TMEM168: variants seen among roughly 807,000 people sequenced by gnomAD.
TMEM168 encodes the protein transmembrane protein 168.
In TMEM168, 40 loss-of-function variants were observed where a neutral mutation model predicts 53.2. The observed-to-expected ratio is 0.75, with a 90% CI of 0.58 to 0.98. The LOEUF is 0.98. Among genes scored for constraint, TMEM168 ranks in the 50% least tolerant of loss-of-function variants. TMEM168 has a pLI of 0.00. For synonymous variants in TMEM168, 282 were observed against 293.0 expected, an observed-to-expected ratio of 0.96 and a Z score of 0.38; for missense variants, 771 against 828.8, an observed-to-expected ratio of 0.93 and a Z score of 0.86.
In TMEM168 at chr7:112,772,870, TC is replaced by T; in HGVS notation, c.1456del (p.Glu486AsnfsTer29). On this transcript the variant is annotated frameshift_variant, in exon 4 of 5. Transcript: ENST00000312814. LOFTEE classifies it high-confidence loss of function. ...TCTGGGTCCATCCACTGTCCGAAGTTCGAGGAAAGCTTTTAGTTTGGAATGC... is the reference window on the plus strand; with the variant it reads ...TCTGGGTCCATCCACTGTCCGAAGTTGAGGAAAGCTTTTAGTTTGGAATGC... ...TLHSKLKAFLELRTVDGPRHD... is the reference protein window; with the variant it reads ...TLHSKLKAFLXLRTVDGPRHD... The T allele has an allele frequency of 6.2e-7, 1 of 1,614,120 alleles. No homozygotes were observed. Among genetic ancestry groups the T allele is most frequent in the Non-Finnish European group, 8.5e-7 (1 of 1,179,974 alleles).
At chr7:112,783,277 A>G (rs1793278314) in intron 2 of TMEM168, among the ~76,000 whole-genome samples, 1 of 152,226 alleles carries the variant, frequency 6.6e-6, no homozygotes, top group Non-Finnish European at 1.5e-5. Flanking sequence ...TGAGGAGTCC[A>G]GGGAATAGAC....
chr7:112,775,054 G>T, intron 3 of TMEM168, 122 bp downstream of exon 3: 1 of 777,688 alleles, frequency 1.3e-6, no homozygotes. Flanking sequence ...TAAAAATTTG[G>T]AAGAAATGCA....
In TMEM168 at chr7:112,783,739, TA is replaced by T. The variant is rs774976930; in HGVS notation, c.1086del (p.Phe362LeufsTer22). 1.9e-6 allele frequency: 3 copies of T among 1,554,166 alleles called. No homozygotes were observed. ...CCCAAAATCGCTGTTGCAAGAAGAC[TA>T]AAGAACACCAACTGCTCTGAAATCA... ...FCLISEQLVF[F>X]SLLATAILGA... On this transcript the variant is annotated frameshift_variant, in exon 2 of 5. Coordinates refer to ENST00000312814, the MANE Select transcript of TMEM168 (RefSeq NM_022484.6). LOFTEE classifies it high-confidence loss of function.
chr7:112,768,509 A>AGTTT (rs1792846056), intron 4 of TMEM168, among the ~76,000 whole-genome samples: 1 of 152,236 alleles, frequency 6.6e-6, no homozygotes, highest in South Asian at 2.1e-4. Flanking sequence ...CATTTAAATC[A>AGTTT]GTTTTATAGC....
intron 2 of TMEM168, among the ~76,000 whole-genome samples, chr7:112,776,461 TGC>T (rs1793086711): frequency 6.6e-6 from 1 of 152,074 alleles, no homozygotes; most frequent in Non-Finnish European, 1.5e-5. Context: ...TATGCCTAGG[TGC>T]ATGAACACAT....
rs1792693105 is a variant in TMEM168 at position 112,762,708 on chromosome 7, CG to C, written c.*4488del. 6.6e-6 allele frequency: 1 copy of C among 151,986 alleles called. No individual in the cohort carries two copies. Among genetic ancestry groups the C allele is most frequent in the Non-Finnish European group, 1.5e-5 (1 of 67,914 alleles). The allele number at this position is 151,986 out of a possible 1,614,324, so 9.4% of individuals were successfully genotyped here. ...GAATATTTCAAAGCAAAAAACCTTA[CG>C]GGTAGCCCACAGTTTTCAATTTTCA... is the stretch of plus-strand genomic sequence containing the variant. On this transcript the variant is annotated 3_prime_UTR_variant, in exon 5 of 5. Transcript: ENST00000312814.
intron 1 of TMEM168, among the ~76,000 whole-genome samples, chr7:112,789,043 A>ACCAGTTTTCC (rs1793471098): frequency 2.0e-5 from 3 of 152,190 alleles, no homozygotes; most frequent in African/African-American, 4.8e-5. Flanking sequence ...CTCCTGCCTT[A>ACCAGTTTTCC]TCTGTTACCA....
At chr7:112,774,008 TAA>T (rs1254968355) in intron 3 of TMEM168, among the ~76,000 whole-genome samples, 10 of 152,202 alleles carry the variant, frequency 6.6e-5, no homozygotes, top group African/African-American at 2.4e-4. Context: ...AACTTTGTAT[TAA>T]GTCTTTAACG....
chr7:112,762,918 T>C lies in TMEM168; in HGVS notation c.*4279A>G, dbSNP rs1792696267. Reference sequence around the variant, plus strand: ...GGAGATACTTATAGTTTCCCTAGCTTGTCCTTAACCTGCTTATGCTTATAG... The same window carrying C: ...GGAGATACTTATAGTTTCCCTAGCTCGTCCTTAACCTGCTTATGCTTATAG... On this transcript the variant is annotated 3_prime_UTR_variant, in exon 5 of 5. Transcript: ENST00000312814. 1 of 152,112 alleles carries C rather than the reference T, an allele frequency of 6.6e-6. No individual in the cohort carries two copies. Among genetic ancestry groups the C allele is most frequent in the Non-Finnish European group, 1.5e-5 (1 of 67,924 alleles). The allele number at this position is 152,112 out of a possible 1,614,324, so 9.4% of individuals were successfully genotyped here. A position where few individuals can be genotyped will look rare whatever the true frequency, so the allele number is the denominator to read the frequency against.
Position 112,785,845 on chromosome 7 carries a change from T to A in TMEM168, c.-128-892A>T, listed in dbSNP as rs76649777. 7.1e-3 allele frequency among the ~76,000 whole-genome samples: 1,081 copies of A among 152,320 alleles called. 16 individuals carry two copies. Among genetic ancestry groups the A allele is most frequent in the African/African-American group, 0.021 (882 of 41,564 alleles). ...AATAATTCTTCAAAATTTCCTAGTA[T>A]ACTGTTTCAAAAGAACTGATCAATG... On this transcript the variant is annotated intron_variant, in intron 1 of 4. Coordinates refer to ENST00000312814, the MANE Select transcript of TMEM168 (RefSeq NM_022484.6).
rs1383339238 is a variant in TMEM168 at position 112,775,230 on chromosome 7, C to G, written c.1217G>C (p.Cys406Ser). 6.2e-7 allele frequency: 1 copy of G among 1,613,716 alleles called. No individual in the cohort carries two copies. The highest frequency in any genetic ancestry group is 8.5e-7 in the Non-Finnish European group (1 of 1,179,858). Residue 406 changes from cysteine (C) to serine (S), a missense_variant, in exon 3 of 5, where the codon TGT becomes TCT. Coordinates refer to ENST00000312814, the MANE Select transcript of TMEM168 (RefSeq NM_022484.6). ...ATATCCAACAGATGTTCCTCCTAAACAGTTACCCAATTCATGGAAGAGCCC... is the reference window on the plus strand; with the variant it reads ...ATATCCAACAGATGTTCCTCCTAAAGAGTTACCCAATTCATGGAAGAGCCC... ...AHGLFHELGN[C>S]LGGTSVGYAI...
At chr7:112,778,423 GT>G (rs1793148018) in intron 2 of TMEM168, 1 of 152,082 alleles carries the variant, frequency 6.6e-6, no homozygotes, top group Admixed American at 6.5e-5. Flanking sequence ...CTACATTGAG[GT>G]TTGTAGTAAT....
intron 1 of TMEM168, among the ~76,000 whole-genome samples, chr7:112,787,112 T>C (rs1793403354): frequency 6.6e-6 from 1 of 152,230 alleles, no homozygotes; most frequent in African/African-American, 2.4e-5. Context: ...TATTTAAACA[T>C]TTATAAATCT....
In TMEM168 at chr7:112,767,066, A is replaced by AAGAC; in HGVS notation, c.*127_*130dup. On this transcript the variant is annotated 3_prime_UTR_variant, in exon 5 of 5. Coordinates refer to ENST00000312814, the MANE Select transcript of TMEM168 (RefSeq NM_022484.6). ...TATATATACCATAATTACTTAAGAA[A>AAGAC]AGACAAAGTGAGAGCAGCTACAGAA... The AAGAC allele has an allele frequency of 2.1e-6, 2 of 932,738 alleles. No homozygotes were observed. The highest frequency in any genetic ancestry group is 1.7e-5 in the African/African-American group (1 of 59,706). The allele number at this position is 932,738 out of a possible 1,614,324, so 57.8% of individuals were successfully genotyped here.
intron 2 of TMEM168, among the ~76,000 whole-genome samples, chr7:112,781,402 T>C (rs1562867620): frequency 6.6e-6 from 1 of 152,030 alleles, no homozygotes; most frequent in Admixed American, 6.6e-5. Context: ...TCCAACTACA[T>C]GGAATTAGAA....
chr7:112,766,129 C>T lies in TMEM168; in HGVS notation c.*1068G>A, dbSNP rs1172552982. On this transcript the variant is annotated 3_prime_UTR_variant, in exon 5 of 5. Transcript: ENST00000312814. ...GTGCCTGCTTTAATCAGACAAAACA[C>T]TAAGTTTTAAAAATTACAACCACAA... The T allele has an allele frequency of 4.6e-5, 7 of 152,560 alleles. No homozygotes were observed. Among genetic ancestry groups the T allele is most frequent in the African/African-American group, 1.7e-4 (7 of 41,422 alleles). 9.5% of individuals were successfully genotyped at this position (152,560 alleles called of 1,614,324 possible). A position where few individuals can be genotyped will look rare whatever the true frequency, so the allele number is the denominator to read the frequency against.
chr7:112,774,352 T>C (rs1453707768), intron 3 of TMEM168, among the ~76,000 whole-genome samples: 15 of 150,562 alleles, frequency 1.0e-4, no homozygotes, highest in East Asian at 7.8e-4. Flanking sequence ...GTGCAGAGTG[T>C]TTTTACATTT....
At chr7:112,769,424 T>G (rs1792874052) in intron 4 of TMEM168, among the ~76,000 whole-genome samples, 1 of 152,182 alleles carries the variant, frequency 6.6e-6, no homozygotes, top group African/African-American at 2.4e-5. Flanking sequence ...TGACACAGAT[T>G]ACAAGAACTA....
Position 112,767,179 on chromosome 7 carries a change from C to G in TMEM168, c.*18G>C, listed in dbSNP as rs1469944073. 6.3e-7 allele frequency: 1 copy of G among 1,591,024 alleles called. No individual in the cohort carries two copies. Among genetic ancestry groups the G allele is most frequent in the Non-Finnish European group, 8.5e-7 (1 of 1,169,960 alleles). On this transcript the variant is annotated 3_prime_UTR_variant, in exon 5 of 5. Transcript: ENST00000312814. The stretch of plus-strand genomic sequence containing the variant: ...TGGTAGTATGAGTGCTTATTAATAT[C>G]CCGCTTTGGGGTCCAAATTAAGATT...
Sources: allele counts gnomAD v4.1 joint callset (sites outside exome capture counted in the v4.1 genomes callset), GRCh38; gene constraint gnomAD v4.1.1; transcripts MANE v1.5; gene names NCBI Gene and HGNC (gene_info 2026-07-23, HGNC 2026-07-21).